Variants in LRP1B observed in about 807,000 individuals in gnomAD.
LRP1B encodes LDL receptor related protein 1B, also known as low-density lipoprotein receptor-related protein 1B.
In LRP1B, 217 loss-of-function variants were observed where a neutral mutation model predicts 556.6. That is an observed-to-expected ratio of 0.39 (90% CI 0.35 to 0.44). The LOEUF is 0.44. LRP1B is among the 20% of genes least tolerant of loss of function. LRP1B has a pLI of 1.00. For missense variants in LRP1B, 5,053 were observed against 5,620.8 expected (o/e 0.90, Z 3.23); for synonymous variants, 2,047 against 1,865.8 (o/e 1.10, Z -2.50).
At chr2:141,519,359 TGATATATATATATATATATATATA>T (rs1684444187) in intron 2 of LRP1B, among the ~76,000 whole-genome samples, 1 of 57,302 alleles carries the variant, frequency 1.7e-5, no homozygotes, top group Non-Finnish European at 3.1e-5. Flanking sequence ...CTTAAGTCAA[TGATATATATATATATATATATATA>T]TATATATATA....
chr2:141,782,234 T>A (rs1045897599), intron 2 of LRP1B, among the ~76,000 whole-genome samples: 2 of 152,150 alleles, frequency 1.3e-5, no homozygotes, highest in African/African-American at 4.8e-5. Context: ...CAGATTGTTT[T>A]TTTGAAGTAT....
chr2:140,606,299 A>G (rs1042137930), intron 41 of LRP1B, among the ~76,000 whole-genome samples: 1 of 151,980 alleles, frequency 6.6e-6, no homozygotes, highest in Admixed American at 6.6e-5. Context: ...CTTAGAAATA[A>G]GTTTAGCAAA....
At chr2:140,874,468 T>C (rs1285023810) in intron 25 of LRP1B, among the ~76,000 whole-genome samples, 2 of 152,152 alleles carry the variant, frequency 1.3e-5, no homozygotes, top group Non-Finnish European at 2.9e-5. Context: ...CTAAAGGAAA[T>C]GTTTTCTTCC....
At chr2:141,259,573 A>T (rs1179996623) in intron 3 of LRP1B, among the ~76,000 whole-genome samples, 1 of 152,116 alleles carries the variant, frequency 6.6e-6, no homozygotes. Context: ...CAGACTTCTC[A>T]CCCTTTGGGA....
chr2:141,730,351 T>C (rs1693224175), intron 2 of LRP1B, among the ~76,000 whole-genome samples: 1 of 152,194 alleles, frequency 6.6e-6, no homozygotes, highest in Admixed American at 6.5e-5. Context: ...TGAGGAGTAC[T>C]GAGGAGCTGC....
intron 2 of LRP1B, among the ~76,000 whole-genome samples, chr2:141,490,210 G>A (rs1683276817): frequency 6.6e-6 from 1 of 152,036 alleles, no homozygotes; most frequent in African/African-American, 2.4e-5. Context: ...TATTTAATAT[G>A]TGAAAAACAT....
chr2:141,262,263 G>A (rs552998741), intron 3 of LRP1B, among the ~76,000 whole-genome samples: 3 of 144,232 alleles, frequency 2.1e-5, no homozygotes, highest in Non-Finnish European at 4.6e-5. Context: ...CTGAAAGAGA[G>A]AGAGCGAGAC....
intron 7 of LRP1B, among the ~76,000 whole-genome samples, chr2:141,100,418 C>T (rs1700430780): frequency 4.6e-5 from 7 of 152,136 alleles, no homozygotes; most frequent in Admixed American, 4.6e-4. Flanking sequence ...GCAAATAAGC[C>T]TTATTTCCCT....
intron 59 of LRP1B, 132 bp downstream of exon 59, chr2:140,485,205 TTTTCTA>T (rs942830727): frequency 4.3e-5 from 22 of 516,458 alleles, no homozygotes; most frequent in Admixed American, 2.0e-4. Flanking sequence ...ATTACTGTTT[TTTTCTA>T]TTTCTAAGTG....
chr2:140,811,285 C>T (rs1690915560), intron 32 of LRP1B, among the ~76,000 whole-genome samples: 1 of 152,122 alleles, frequency 6.6e-6, no homozygotes. Flanking sequence ...ACAAACCTAA[C>T]ATCTTTATTT....
chr2:140,590,384 T>C (rs1276895007), intron 43 of LRP1B, among the ~76,000 whole-genome samples: 2 of 150,466 alleles, frequency 1.3e-5, no homozygotes, highest in Admixed American at 1.3e-4. Context: ...CTATAGAAAA[T>C]GATTTATAGT....
intron 29 of LRP1B, among the ~76,000 whole-genome samples, chr2:140,841,706 T>A (rs1385033069): frequency 6.6e-6 from 1 of 152,198 alleles, no homozygotes; most frequent in Non-Finnish European, 1.5e-5. Flanking sequence ...ACAGCCAATA[T>A]AAATATTTTG....
intron 11 of LRP1B, among the ~76,000 whole-genome samples, chr2:141,043,939 C>G (rs181756587): frequency 1.3e-5 from 2 of 151,760 alleles, no homozygotes; most frequent in African/African-American, 4.8e-5. Context: ...CATATGGAAC[C>G]AAAAAAGAGC....
intron 2 of LRP1B, among the ~76,000 whole-genome samples, chr2:141,668,952 G>C (rs1409910680): frequency 6.6e-6 from 1 of 152,128 alleles, no homozygotes; most frequent in African/African-American, 2.4e-5. Flanking sequence ...CCAAACAGAT[G>C]AGCAATACCC....
chr2:141,406,540 TATCTATC>T (rs955822038), intron 3 of LRP1B, among the ~76,000 whole-genome samples: 2 of 140,138 alleles, frequency 1.4e-5, no homozygotes, highest in African/African-American at 5.3e-5. Context: ...GTAGAGTATC[TATCTATC>T]ATCTATCTAT....
At chr2:141,588,478 A>T (rs78029108) in intron 2 of LRP1B, among the ~76,000 whole-genome samples, 1 of 152,200 alleles carries the variant, frequency 6.6e-6, no homozygotes, top group Non-Finnish European at 1.5e-5. Context: ...ATGAAACTCA[A>T]TCAAACTAAT....
chr2:141,151,660 A>G (rs1179969428), intron 7 of LRP1B, among the ~76,000 whole-genome samples: 1 of 152,168 alleles, frequency 6.6e-6, no homozygotes, highest in East Asian at 1.9e-4. Flanking sequence ...ACAAATTATA[A>G]TCCTGCATAT....
At chr2:140,421,469 C>T (rs1165699376) in intron 66 of LRP1B, among the ~76,000 whole-genome samples, 1 of 151,944 alleles carries the variant, frequency 6.6e-6, no homozygotes, top group African/African-American at 2.4e-5. Context: ...TTCTTGCCGA[C>T]TCTAATTATG....
chr2:141,169,337 A>G (rs909890096), intron 7 of LRP1B, among the ~76,000 whole-genome samples: 1 of 141,748 alleles, frequency 7.1e-6, no homozygotes, highest in Non-Finnish European at 1.5e-5. Context: ...TAAATAAATA[A>G]AGAAGAGATG....
Sources: gnomAD v4.1 joint callset for allele counts (sites outside exome capture counted in the v4.1 genomes callset) on GRCh38, gnomAD v4.1.1 for gene constraint, MANE v1.5 for transcripts, NCBI Gene and HGNC (gene_info 2026-07-23, HGNC 2026-07-21) for gene names.